Variants in AGBL1 observed in about 807,000 individuals in gnomAD.
The protein encoded by AGBL1 is cytosolic carboxypeptidase 4.
AGBL1 carries 130 observed loss-of-function variants against 118.9 expected under a neutral mutation model. The observed-to-expected ratio is 1.09, with a 90% confidence interval of 0.95 to 1.26. The LOEUF is 1.26. Ranked by LOEUF, AGBL1 falls within the 50% of genes most tolerant of loss-of-function variation. The pLI, the probability that AGBL1 is intolerant of heterozygous loss-of-function variation, is 0.00. For missense variants in AGBL1, 1,584 were observed against 1,298.1 expected (o/e 1.22, Z -3.38); for synonymous variants, 555 against 478.9 (o/e 1.16, Z -2.08).
chr15:86,568,955 T>C, intron 21 of AGBL1, among the ~76,000 whole-genome samples: 1 of 152,092 alleles, frequency 6.6e-6, no homozygotes, highest in East Asian at 1.9e-4. Context: ...AATAAATAAT[T>C]CCTAGTATGA....
chr15:86,708,404 AG>A lies in AGBL1; in HGVS notation c.3158+33970del, dbSNP rs141865994. 9.2e-3 allele frequency among the ~76,000 whole-genome samples: 1,408 copies of A among 152,272 alleles called. 19 individuals are homozygous for A. The highest frequency in any genetic ancestry group is 0.032 in the African/African-American group (1,321 of 41,562). ...GTGAGAAGGTGGCCATCTGCAAGTC[AG>A]GAAAATAGCCCTCACCAGAAGCAGA... is the stretch of plus-strand genomic sequence containing the variant. On this transcript the variant is annotated intron_variant, in intron 22 of 22. Coordinates refer to ENST00000614907, the MANE Select transcript of AGBL1 (RefSeq NM_001386094.1).
chr15:86,512,676 G>A lies in AGBL1; in HGVS notation c.2556-10134G>A, dbSNP rs986604448. 2.6e-5 allele frequency among the ~76,000 whole-genome samples: 4 copies of A among 151,652 alleles called. No homozygotes were observed. The East Asian group carries it at 7.7e-4, about 29-fold the overall frequency. ...AACTACTATTATTCATATGTTAGAT[G>A]TTCTTTGCCTGTCTTCAATATTTGT... On this transcript the variant is annotated intron_variant, in intron 18 of 22. Coordinates refer to ENST00000614907, the MANE Select transcript of AGBL1 (RefSeq NM_001386094.1).
At chr15:86,445,197 G>T (rs968742015) in intron 18 of AGBL1, among the ~76,000 whole-genome samples, 1 of 152,186 alleles carries the variant, frequency 6.6e-6, no homozygotes, top group Non-Finnish European at 1.5e-5. Context: ...CACCCTGGGG[G>T]AGAGCAGCCC....
intron 21 of AGBL1, among the ~76,000 whole-genome samples, chr15:86,658,498 G>A (rs1431427330): frequency 6.6e-6 from 1 of 152,168 alleles, no homozygotes; most frequent in African/African-American, 2.4e-5. Flanking sequence ...TTAAGTAAGA[G>A]TCAATAATAT....
At chr15:86,445,452 A>C (rs1400895674) in intron 18 of AGBL1, among the ~76,000 whole-genome samples, 1 of 152,036 alleles carries the variant, frequency 6.6e-6, no homozygotes, top group Admixed American at 6.6e-5. Context: ...GATGTGGTCA[A>C]CTCTCTTCCC....
intron 17 of AGBL1, among the ~76,000 whole-genome samples, chr15:86,380,277 C>A (rs1026775200): frequency 1.2e-5 from 1 of 82,650 alleles, no homozygotes; most frequent in East Asian, 5.1e-4. Context: ...TCCTTCCTTC[C>A]TTTTTTTTTT....
chr15:87,012,538 G>A (rs1406495670), intron 24 of AGBL1, among the ~76,000 whole-genome samples: 2 of 152,018 alleles, frequency 1.3e-5, no homozygotes, highest in African/African-American at 4.8e-5. Flanking sequence ...AGGAACTTAT[G>A]TACCACTGAT....
At chr15:86,744,755 C>T (rs2077729779) in intron 22 of AGBL1, among the ~76,000 whole-genome samples, 1 of 152,118 alleles carries the variant, frequency 6.6e-6, no homozygotes, top group Admixed American at 6.6e-5. Flanking sequence ...GGATGTCTCA[C>T]TCGCTGTTAT....
chr15:86,583,357 C>T (rs942915973), intron 21 of AGBL1, among the ~76,000 whole-genome samples: 2 of 152,076 alleles, frequency 1.3e-5, no homozygotes, highest in Admixed American at 1.3e-4. Flanking sequence ...ACCCCTCTCT[C>T]CAGTGTCTAT....
At chr15:86,134,709 G>A (rs2141620506) in intron 1 of AGBL1, among the ~76,000 whole-genome samples, 1 of 144,460 alleles carries the variant, frequency 6.9e-6, no homozygotes, top group East Asian at 2.1e-4. Flanking sequence ...TGCCACCCAG[G>A]TTCAAACGAC....
intron 1 of AGBL1, among the ~76,000 whole-genome samples, chr15:86,123,848 C>A (rs74433671): frequency 6.6e-6 from 1 of 152,098 alleles, no homozygotes; most frequent in Non-Finnish European, 1.5e-5. Flanking sequence ...AGAGTAAATC[C>A]CTTCAAATAT....
At chr15:86,905,564 T>A (rs1479337661) in intron 22 of AGBL1, among the ~76,000 whole-genome samples, 1 of 152,252 alleles carries the variant, frequency 6.6e-6, no homozygotes, top group Non-Finnish European at 1.5e-5. Context: ...AATTAAAATG[T>A]GGTGATTGCC....
chr15:86,446,035 G>T (rs2082116502), intron 18 of AGBL1, among the ~76,000 whole-genome samples: 1 of 152,146 alleles, frequency 6.6e-6, no homozygotes, highest in Non-Finnish European at 1.5e-5. Flanking sequence ...AGAGAGACTG[G>T]TAGACAGTGG....
intron 23 of AGBL1, among the ~76,000 whole-genome samples, chr15:86,969,243 G>A (rs2141700157): frequency 6.6e-6 from 1 of 152,006 alleles, no homozygotes; most frequent in Non-Finnish European, 1.5e-5. Flanking sequence ...CCAGCTGTGG[G>A]CCAGTGAAAT....
intron 16 of AGBL1, among the ~76,000 whole-genome samples, chr15:86,286,748 T>TATATATATATATATATATATATATAA (rs1306818279): frequency 1.4e-5 from 2 of 146,144 alleles, no homozygotes; most frequent in South Asian, 4.3e-4. Context: ...TATATATATA[T>TATATATATATATATATATATATATAA]AAAACTCCAT....
intron 18 of AGBL1, among the ~76,000 whole-genome samples, chr15:86,484,488 A>G (rs2082690101): frequency 6.6e-6 from 1 of 152,176 alleles, no homozygotes; most frequent in African/African-American, 2.4e-5. Flanking sequence ...GGGATCAGTT[A>G]TGAATCTGAG....
intron 17 of AGBL1, among the ~76,000 whole-genome samples, chr15:86,304,273 A>C (rs2141807189): frequency 6.6e-6 from 1 of 152,226 alleles, no homozygotes; most frequent in African/African-American, 2.4e-5. Context: ...ACAGCAACCT[A>C]ACCACCTCCA....
intron 6 of AGBL1, among the ~76,000 whole-genome samples, chr15:86,233,516 T>A (rs2078489996): frequency 1.3e-5 from 2 of 152,106 alleles, no homozygotes; most frequent in Admixed American, 1.3e-4. Flanking sequence ...TGCCTCTTGA[T>A]AGGCATTGAG....
intron 18 of AGBL1, among the ~76,000 whole-genome samples, chr15:86,453,995 A>G (rs1333062693): frequency 1.3e-5 from 2 of 151,930 alleles, no homozygotes; most frequent in African/African-American, 2.4e-5. Flanking sequence ...ATAGACTGCT[A>G]TTTTTTACTC....
Sources: allele counts gnomAD v4.1 joint callset (sites outside exome capture counted in the v4.1 genomes callset), GRCh38; gene constraint gnomAD v4.1.1; transcripts MANE v1.5; gene names NCBI Gene and HGNC (gene_info 2026-07-23, HGNC 2026-07-21).